Variants in MED13L observed in about 807,000 individuals in gnomAD.
The protein encoded by MED13L is mediator complex subunit 13L.
In MED13L, 7 loss-of-function variants were observed where a neutral mutation model predicts 220.9. The ratio of observed to expected loss-of-function variants is 0.03; its 90% CI spans 0.02 to 0.06. The LOEUF is 0.06. Ranked by LOEUF, MED13L falls within the 10% of genes least tolerant of loss-of-function variation. The pLI, the probability that MED13L is intolerant of heterozygous loss-of-function variation, is 1.00. For synonymous variants in MED13L, 1,011 were observed against 1,015.2 expected (o/e 1.00, Z 0.08); for missense variants, 1,965 against 2,760.5 (o/e 0.71, Z 6.46).
rs373952855 is a variant in MED13L at position 116,080,792 on chromosome 12, C to T, written c.479+15877G>A. ...TATACATCCTGTTAACAAGCAACTG[C>T]GGCTATTTAAGAATAAATTTTATTG... On this transcript the variant is annotated intron_variant, in intron 4 of 30. Transcript: ENST00000281928. 1.1e-4 allele frequency among the ~76,000 whole-genome samples: 16 copies of T among 152,186 alleles called. No individual in the cohort carries two copies. The South Asian group carries it at 2.1e-3, about 20-fold the overall frequency.
chr12:116,161,206 A>G (rs1251371254), intron 2 of MED13L, among the ~76,000 whole-genome samples: 2 of 152,096 alleles, frequency 1.3e-5, no homozygotes, highest in African/African-American at 4.8e-5. Context: ...AACTCCCAAC[A>G]CTATTGCACC....
intron 2 of MED13L, among the ~76,000 whole-genome samples, chr12:116,163,731 C>A (rs1368722461): frequency 1.3e-5 from 2 of 152,142 alleles, no homozygotes; most frequent in Admixed American, 1.3e-4. Flanking sequence ...GAGAAGTACA[C>A]ATATCATACA....
chr12:116,197,311 T>C (rs900141475), intron 2 of MED13L, among the ~76,000 whole-genome samples: 5 of 152,212 alleles, frequency 3.3e-5, no homozygotes, highest in African/African-American at 1.2e-4. Context: ...TTTAGTTATC[T>C]GTACATGTCA....
chr12:116,129,085 C>T (rs753916313), intron 2 of MED13L, among the ~76,000 whole-genome samples: 5 of 152,086 alleles, frequency 3.3e-5, no homozygotes, highest in Non-Finnish European at 7.4e-5. Flanking sequence ...ATTCATACAC[C>T]ATATTTTTGT....
chr12:116,274,388 C>G (rs967019139), intron 1 of MED13L, among the ~76,000 whole-genome samples: 10 of 130,560 alleles, frequency 7.7e-5, no homozygotes, highest in African/African-American at 2.9e-4. Context: ...TAGGTAAATT[C>G]TTTATAAATA....
At position 115,978,395 on chromosome 12, in the gene MED13L, T is replaced by C. The variant is rs577284369; in HGVS notation, c.5364+2355A>G. On this transcript the variant is annotated intron_variant, in intron 23 of 30. Transcript: ENST00000281928. ...AGACTGGAGTGCAGTGGCGTGATCT[T>C]GGCTCACTGCAACCTCCACCTCATG... is the stretch of plus-strand genomic sequence containing the variant. Among the ~76,000 whole-genome samples, 5 of 151,398 alleles carry C rather than the reference T, an allele frequency of 3.3e-5. No individual in the cohort carries two copies. In the South Asian group the frequency reaches 8.4e-4, roughly 25 times the overall value.
intron 2 of MED13L, among the ~76,000 whole-genome samples, chr12:116,235,931 T>C (rs1870037985): frequency 6.6e-6 from 1 of 152,078 alleles, no homozygotes; most frequent in African/African-American, 2.4e-5. Context: ...AAACAGAAGA[T>C]GACAGTCAGA....
At position 115,975,631 on chromosome 12, in the gene MED13L, A is replaced by G. The variant is rs773565257; in HGVS notation, c.5472T>C (p.Asn1824=). Residue 1824 remains asparagine, a synonymous_variant, in exon 24 of 31, where the codon AAT becomes AAC. Coordinates refer to ENST00000281928, the MANE Select transcript of MED13L (RefSeq NM_015335.5). Reference sequence around the variant, plus strand: ...ACAGACAATAGCCCACGAAGAGCACATTGTATTTCTGGCTCGCCTCACCAA... The same window carrying G: ...ACAGACAATAGCCCACGAAGAGCACGTTGTATTTCTGGCTCGCCTCACCAA... ...ETFGEASQKY[N]VLFVGYCLSH... 1.9e-6 allele frequency: 3 copies of G among 1,614,106 alleles called. No homozygotes were observed. The highest frequency in any genetic ancestry group is 1.1e-5 in the South Asian group (1 of 91,082).
chr12:115,983,723 G>T lies in MED13L; in HGVS notation c.4532-183C>A, dbSNP rs112026288. Among the ~76,000 whole-genome samples the T allele has an allele frequency of 1.6e-4, 24 of 152,282 alleles. 3 individuals are homozygous for T. The highest frequency in any genetic ancestry group is 5.5e-4 in the African/African-American group (23 of 41,558). ...TTCTGCAAACATGGAGATGCACATG[G>T]AGCAACTTATAAATTCTACAGTAGA... On this transcript the variant is annotated intron_variant, in intron 20 of 30. Transcript: ENST00000281928.
intron 14 of MED13L, among the ~76,000 whole-genome samples, chr12:116,001,779 A>C (rs552430587): frequency 6.6e-6 from 1 of 152,350 alleles, no homozygotes; most frequent in South Asian, 2.1e-4. Context: ...CTTTATCATA[A>C]AATTTTGAAT....
intron 2 of MED13L, among the ~76,000 whole-genome samples, chr12:116,205,917 C>A (rs888135958): frequency 6.8e-6 from 1 of 146,804 alleles, no homozygotes. Flanking sequence ...GAAAACTTTA[C>A]AATGCACTGC....
In MED13L at chr12:116,255,608, G is replaced by A. The variant is rs373367047; in HGVS notation, c.73-17903C>T. On this transcript the variant is annotated intron_variant, in intron 1 of 30. Transcript: ENST00000281928. The stretch of plus-strand genomic sequence containing the variant: ...CACCACAAATTAGGAGAATACATTT[G>A]TAATACATCTATCTGCCAATGAACT... Among the ~76,000 whole-genome samples, 22 of 152,308 alleles carry A rather than the reference G, an allele frequency of 1.4e-4. No individual in the cohort carries two copies. The East Asian group carries it at 4.2e-3, about 29-fold the overall frequency.
intron 1 of MED13L, among the ~76,000 whole-genome samples, chr12:116,256,860 A>G (rs898113459): frequency 6.6e-6 from 1 of 151,830 alleles, no homozygotes; most frequent in Non-Finnish European, 1.5e-5. Context: ...TAATTTTTGT[A>G]TTTTTAGTAG....
chr12:116,175,195 C>A (rs1288602130), intron 2 of MED13L, among the ~76,000 whole-genome samples: 2 of 152,008 alleles, frequency 1.3e-5, no homozygotes, highest in Non-Finnish European at 2.9e-5. Context: ...CCAAGAAAAC[C>A]AGCACCTTCC....
Position 116,257,418 on chromosome 12 carries a change from C to G in MED13L, c.72+19642G>C, listed in dbSNP as rs146784205. Among the ~76,000 whole-genome samples, 8 of 152,326 alleles carry G rather than the reference C, an allele frequency of 5.3e-5. No homozygotes were observed. In the East Asian group the frequency reaches 1.5e-3, roughly 29 times the overall value. The stretch of plus-strand genomic sequence containing the variant: ...GTATGGCCAGAAGTGTTGTAGGCAA[C>G]TTCCTGGAGGTTTCCTTAAAGGACG... On this transcript the variant is annotated intron_variant, in intron 1 of 30. Coordinates refer to ENST00000281928, the MANE Select transcript of MED13L (RefSeq NM_015335.5).
At chr12:115,964,477 G>A (rs1476043430) in intron 29 of MED13L, among the ~76,000 whole-genome samples, 1 of 152,030 alleles carries the variant, frequency 6.6e-6, no homozygotes, top group Non-Finnish European at 1.5e-5. Context: ...TCACCTAATG[G>A]TTTTGGTATT....
At chr12:116,170,614 T>G (rs538111386) in intron 2 of MED13L, among the ~76,000 whole-genome samples, 31 of 151,184 alleles carry the variant, frequency 2.1e-4, no homozygotes, top group African/African-American at 2.9e-4. Flanking sequence ...TTTTGTTTTT[T>G]TTTTTTTTTT....
At chr12:115,979,942 G>A (rs1032892928) in intron 23 of MED13L, among the ~76,000 whole-genome samples, 1 of 152,186 alleles carries the variant, frequency 6.6e-6, no homozygotes, top group Non-Finnish European at 1.5e-5. Context: ...GTAGGAAGTA[G>A]GTTTTAAAAG....
intron 4 of MED13L, among the ~76,000 whole-genome samples, chr12:116,085,424 A>G (rs1871563791): frequency 6.6e-6 from 1 of 152,174 alleles, no homozygotes; most frequent in African/African-American, 2.4e-5. Context: ...TAACATCAAG[A>G]TAAGAATGGT....
Sources: allele counts gnomAD v4.1 joint callset (sites outside exome capture counted in the v4.1 genomes callset), GRCh38; gene constraint gnomAD v4.1.1; transcripts MANE v1.5; gene names NCBI Gene and HGNC (gene_info 2026-07-23, HGNC 2026-07-21).